ZNF276: variants seen among roughly 807,000 people sequenced by gnomAD.
ZNF276 encodes zinc finger protein 276.
Under a neutral mutation model 63.9 loss-of-function variants are expected in ZNF276, and 59 were observed. The ratio of observed to expected loss-of-function variants is 0.92; its 90% CI spans 0.75 to 1.15. The LOEUF (loss-of-function observed/expected upper bound fraction) is 1.15, where lower values mean the gene tolerates loss of function less well. Among genes scored for constraint, ZNF276 ranks in the 50% most tolerant of loss-of-function variants. The pLI is 0.00. For missense variants in ZNF276, 1,084 were observed against 843.8 expected (o/e 1.28, Z -3.53); for synonymous variants, 496 against 348.4 (o/e 1.42, Z -4.72).
In ZNF276 at chr16:89,721,850, G is replaced by A. The variant is rs1597955317; in HGVS notation, c.205+5G>A. The A allele has an allele frequency of 1.7e-6, 2 of 1,207,700 alleles. No homozygotes were observed. The highest frequency in any genetic ancestry group is 4.1e-5 in the South Asian group (1 of 24,310). 74.8% of individuals were successfully genotyped at this position (1,207,700 alleles called of 1,614,324 possible). A position where few individuals can be genotyped will look rare whatever the true frequency, so the allele number is the denominator to read the frequency against. ...AGGACGGCGCGGACGAGGCAGGTGG[G>A]TCCGCGGCCCGGGCGTGGCGGGTTG... On this transcript the variant is annotated splice_donor_5th_base_variant and intron_variant, in intron 1 of 10. Transcript: ENST00000443381.
At chr16:89,725,758 T>G (rs2061449238) in intron 4 of ZNF276, among the ~76,000 whole-genome samples, 1 of 152,032 alleles carries the variant, frequency 6.6e-6, no homozygotes, top group Non-Finnish European at 1.5e-5. Context: ...ACCACTACGC[T>G]CTGGCCTGAC....
intron 9 of ZNF276, among the ~76,000 whole-genome samples, chr16:89,735,081 C>A (rs534285731): frequency 6.6e-6 from 1 of 151,122 alleles, no homozygotes; most frequent in East Asian, 2.0e-4. Flanking sequence ...TGCAGTGAGC[C>A]GAGATCACAC....
In ZNF276 at chr16:89,721,863, G is replaced by A. The variant is rs2061291150; in HGVS notation, c.205+18G>A. On this transcript the variant is annotated intron_variant, in intron 1 of 10. Coordinates refer to ENST00000443381, the MANE Select transcript of ZNF276 (RefSeq NM_001113525.2). ...CGAGGCAGGTGGGTCCGCGGCCCGGGCGTGGCGGGTTGGGGTCGCGGCAGG... is the reference window on the plus strand; with the variant it reads ...CGAGGCAGGTGGGTCCGCGGCCCGGACGTGGCGGGTTGGGGTCGCGGCAGG... 8.3e-7 allele frequency: 1 copy of A among 1,201,922 alleles called. No individual in the cohort carries two copies. Among genetic ancestry groups the A allele is most frequent in the Non-Finnish European group, 1.0e-6 (1 of 968,512 alleles). The allele number at this position is 1,201,922 out of a possible 1,614,324, so 74.5% of individuals were successfully genotyped here.
At position 89,734,039 on chromosome 16, in the gene ZNF276, G is replaced by A; in HGVS notation, c.1474+1G>A. 1.2e-6 allele frequency: 2 copies of A among 1,613,786 alleles called. No homozygotes were observed. The highest frequency in any genetic ancestry group is 1.7e-6 in the Non-Finnish European group (2 of 1,179,878). On this transcript the variant is annotated splice_donor_variant, in intron 9 of 10. Coordinates refer to ENST00000443381, the MANE Select transcript of ZNF276 (RefSeq NM_001113525.2). LOFTEE classifies it high-confidence loss of function. ...CGCCACGTGAAGCTCATCCACACAGGTACGCCTATCGCCAGTGTCGCCCAC... is the reference window on the plus strand; with the variant it reads ...CGCCACGTGAAGCTCATCCACACAGATACGCCTATCGCCAGTGTCGCCCAC...
upstream of ZNF276, chr16:89,721,032 G>A: frequency 1.7e-6 from 1 of 590,116 alleles, no homozygotes; most frequent in Non-Finnish European, 2.4e-6. Flanking sequence ...GGCCCCACGG[G>A]TGTTAGTGGC....
In ZNF276 at chr16:89,721,725, C is replaced by G; in HGVS notation, c.85C>G (p.Arg29Gly). ...CTCGGACGGCGGCGGCGGCGTCAGC[C>G]GGACTCGGGGCCGCCCTTCCCTTAG... ...GASDGGGGVS[R>G]TRGRPSLSGG... Residue 29 changes from arginine (R) to glycine (G), a missense_variant, in exon 1 of 11, where the codon CGG (arginine) becomes GGG (glycine). By Grantham distance (125) the Arg-to-Gly change is moderately radical. Transcript: ENST00000443381. 1 of 1,354,946 alleles carries G rather than the reference C, an allele frequency of 7.4e-7. No individual in the cohort carries two copies. Among genetic ancestry groups the G allele is most frequent in the Non-Finnish European group, 9.5e-7 (1 of 1,055,010 alleles). The allele number at this position is 1,354,946 out of a possible 1,614,324, so 83.9% of individuals were successfully genotyped here.
intron 2 of ZNF276, 71 bp from the exon 3 acceptor site, chr16:89,723,066 G>C (rs1269071881): frequency 1.2e-6 from 2 of 1,611,678 alleles, no homozygotes; most frequent in Admixed American, 1.7e-5. Flanking sequence ...GATCTCGAGA[G>C]GGTCCCGTAC....
chr16:89,740,585 G>A lies in ZNF276; in HGVS notation c.*2339G>A, dbSNP rs184576501. 99 of 568,720 alleles carry A rather than the reference G, an allele frequency of 1.7e-4. No individual in the cohort carries two copies. Among genetic ancestry groups the A allele is most frequent in the African/African-American group, 1.7e-3 (90 of 52,196 alleles). The allele number at this position is 568,720 out of a possible 1,614,324, so 35.2% of individuals were successfully genotyped here. ...CAGGAGGCTGAGGTTGCAGTGAGCT[G>A]AGATCACACCACTGCACTCCAGCCT... On this transcript the variant is annotated 3_prime_UTR_variant, in exon 11 of 11. Transcript: ENST00000443381.
In ZNF276 at chr16:89,740,886, C is replaced by T. The variant is rs1363510893; in HGVS notation, c.*2640C>T. ...CAATAGCTGTAAATAAAAACGTGCA[C>T]TTATTATTACATTAAAATTACCTGT... On this transcript the variant is annotated 3_prime_UTR_variant, in exon 11 of 11. Transcript: ENST00000443381. 6.3e-7 allele frequency: 1 copy of T among 1,595,566 alleles called. No homozygotes were observed. Among genetic ancestry groups the T allele is most frequent in the South Asian group, 1.1e-5 (1 of 89,476 alleles).
At position 89,723,637 on chromosome 16, in the gene ZNF276, T is replaced by C. The variant is rs2061376221; in HGVS notation, c.934T>C (p.Ser312Pro). The change falls in exon 4 of 11, where the codon TCG becomes CCG. Residue 312 changes from serine to proline, a missense_variant. By Grantham distance (74) the Ser-to-Pro change is moderately conservative. Transcript: ENST00000443381. Reference sequence around the variant, plus strand: ...CAGCACGGATGTGGCCCAGCCTCCTTCGGACAGCGACGCGGTGGGGCCCAG... The same window carrying C: ...CAGCACGGATGTGGCCCAGCCTCCTCCGGACAGCGACGCGGTGGGGCCCAG... ...LPSTDVAQPP[S>P]DSDAVGPRSG... 6.2e-7 allele frequency: 1 copy of C among 1,612,640 alleles called. No homozygotes were observed. The highest frequency in any genetic ancestry group is 2.2e-5 in the East Asian group (1 of 44,878).
chr16:89,738,385 C>G lies in ZNF276; in HGVS notation c.*139C>G. ...TGCTGGAGGCGGGCTTGGTGTCCGG[C>G]TCAAGTAGCCTTCCTCTGCTCTGGG... On this transcript the variant is annotated 3_prime_UTR_variant, in exon 11 of 11. Transcript: ENST00000443381. 1 of 1,401,804 alleles carries G rather than the reference C, an allele frequency of 7.1e-7. No homozygotes were observed. The highest frequency in any genetic ancestry group is 9.6e-7 in the Non-Finnish European group (1 of 1,045,108). The allele number at this position is 1,401,804 out of a possible 1,614,324, so 86.8% of individuals were successfully genotyped here. A position where few individuals can be genotyped will look rare whatever the true frequency, so the allele number is the denominator to read the frequency against.
rs2062034183 is a variant in ZNF276, at chr16:89,738,752, C to T, written c.*506C>T. The T allele has an allele frequency of 6.2e-7, 1 of 1,612,590 alleles. No homozygotes were observed. The highest frequency in any genetic ancestry group is 1.3e-5 in the African/African-American group (1 of 74,924). On this transcript the variant is annotated 3_prime_UTR_variant, in exon 11 of 11. Coordinates refer to ENST00000443381, the MANE Select transcript of ZNF276 (RefSeq NM_001113525.2). ...TCCTCAGCCCATGCCGCCCACTAGG[C>T]CTCAGACCACAGGGGAGGGGCTCTG... is the stretch of plus-strand genomic sequence containing the variant.
Position 89,721,574 on chromosome 16 carries a change from C to A in ZNF276, c.-67C>A, listed in dbSNP as rs945216609. 2.1e-6 allele frequency: 3 copies of A among 1,417,186 alleles called. No individual in the cohort carries two copies. Among genetic ancestry groups the A allele is most frequent in the African/African-American group, 1.5e-5 (1 of 66,758 alleles). 87.8% of individuals were successfully genotyped at this position (1,417,186 alleles called of 1,614,324 possible). A position where few individuals can be genotyped will look rare whatever the true frequency, so the allele number is the denominator to read the frequency against. ...TTCCAGCGCGCCGAGCGGAGCCTAACGCCGGGTCCTCTAGGAACCTCGGGC... is the reference window on the plus strand; with the variant it reads ...TTCCAGCGCGCCGAGCGGAGCCTAAAGCCGGGTCCTCTAGGAACCTCGGGC... On this transcript the variant is annotated 5_prime_UTR_variant, in exon 1 of 11. Transcript: ENST00000443381.
chr16:89,733,972 C>T lies in ZNF276; in HGVS notation c.1408C>T (p.Pro470Ser), dbSNP rs751355902. The T allele has an allele frequency of 1.2e-6, 2 of 1,614,078 alleles. No homozygotes were observed. The highest frequency in any genetic ancestry group is 1.7e-6 in the Non-Finnish European group (2 of 1,180,038). ...EEVRERPCPHPGCNKVFMIDR... is the reference protein window; with the variant it reads ...EEVRERPCPHSGCNKVFMIDR... ...GGTCCGGGAGCGGCCCTGCCCCCAC[C>T]CTGGCTGCAACAAGGTTTTCATGAT... is the stretch of plus-strand genomic sequence containing the variant. The change falls in exon 9 of 11, where the codon CCT becomes TCT. Residue 470 changes from proline (P) to serine (S), a missense_variant. Transcript: ENST00000443381.
chr16:89,729,389 C>T (rs11640734), intron 6 of ZNF276, 71 bp downstream of exon 6: 3 of 1,373,070 alleles, frequency 2.2e-6, no homozygotes, highest in African/African-American at 2.8e-5. Flanking sequence ...TGCTCCAGGG[C>T]CTCTCCCCGG....
chr16:89,737,538 A>C, intron 9 of ZNF276: 1 of 484,800 alleles, frequency 2.1e-6, no homozygotes, highest in Non-Finnish European at 3.5e-6. Flanking sequence ...AAAAAAGACA[A>C]GAATCTGTGG....
chr16:89,722,176 G>A (rs1022108510), intron 1 of ZNF276, among the ~76,000 whole-genome samples: 13 of 152,232 alleles, frequency 8.5e-5, no homozygotes, highest in African/African-American at 2.9e-4. Flanking sequence ...GAGCCGGAAA[G>A]GAGGCGGCAC....
In ZNF276 at chr16:89,723,252, C is replaced by T. The variant is rs1222276778; in HGVS notation, c.557-8C>T. 1.9e-6 allele frequency: 3 copies of T among 1,613,110 alleles called. No homozygotes were observed. The African/African-American group carries it at 4.0e-5, about 22-fold the overall frequency. ...CGTGGATCTGACATCTCTGTTGACT[C>T]TCTGCAGTGGATCTGATCACATCCA... On this transcript the variant is annotated splice_polypyrimidine_tract_variant and splice_region_variant and intron_variant, in intron 3 of 10. Coordinates refer to ENST00000443381, the MANE Select transcript of ZNF276 (RefSeq NM_001113525.2).
chr16:89,734,811 C>T (rs1160222272), intron 9 of ZNF276, among the ~76,000 whole-genome samples: 2 of 152,178 alleles, frequency 1.3e-5, no homozygotes, highest in African/African-American at 4.8e-5. Flanking sequence ...TTATTTTTCA[C>T]AATTTCTATA....
Sources: allele counts gnomAD v4.1 joint callset (sites outside exome capture counted in the v4.1 genomes callset), GRCh38; gene constraint gnomAD v4.1.1; transcripts MANE v1.5; gene names NCBI Gene and HGNC (gene_info 2026-07-23, HGNC 2026-07-21).